TAB3: variants seen among roughly 807,000 people sequenced by gnomAD.
TAB3 encodes the protein TGF-beta activated kinase 1 (MAP3K7) binding protein 3, also known as TGF-beta-activated kinase 1 and MAP3K7-binding protein 3.
In TAB3, 18 loss-of-function variants were observed where a neutral mutation model predicts 48.1. The observed-to-expected ratio is 0.37, with a 90% confidence interval of 0.26 to 0.55. The LOEUF (loss-of-function observed/expected upper bound fraction) is 0.55, where lower values mean the gene tolerates loss of function less well. Ranked by LOEUF, TAB3 falls within the 20% of genes least tolerant of loss-of-function variation. TAB3 has a pLI of 0.78. For synonymous variants in TAB3, 185 were observed against 190.2 expected (o/e 0.97, Z 0.22); for missense variants, 414 against 549.8 (o/e 0.75, Z 2.47).
At chrX:30,853,054 C>T (rs774620446) in intron 6 of TAB3, 116 bp from the exon 7 acceptor site, 552 of 741,535 alleles carry the variant, frequency 7.4e-4, no homozygotes, top group Non-Finnish European at 9.8e-4. Flanking sequence ...TTGGCATTTA[C>T]TCTCATGTCT....
intron 9 of TAB3, among the ~76,000 whole-genome samples, chrX:30,840,834 C>T (rs1490506878): frequency 8.9e-6 from 1 of 111,808 alleles, no homozygotes; most frequent in Admixed American, 9.5e-5. Context: ...TTCTAATCAA[C>T]TTGGTCCTGT....
At chrX:30,832,578 C>A (rs953973271) in intron 10 of TAB3, among the ~76,000 whole-genome samples, 4 of 112,281 alleles carry the variant, frequency 3.6e-5, no homozygotes, top group African/African-American at 1.3e-4. Context: ...ATATCTTCCA[C>A]TGGAAATTAA....
At chrX:30,865,848 A>G (rs779581070) in intron 4 of TAB3, among the ~76,000 whole-genome samples, 1 of 112,541 alleles carries the variant, frequency 8.9e-6, no homozygotes, top group Non-Finnish European at 1.9e-5. Context: ...CAAGTTAAAC[A>G]GTAACAAAAA....
Position 30,854,919 on chromosome X carries a change from G to A in TAB3, c.746C>T (p.Pro249Leu), listed in dbSNP as rs768438489. The change falls in exon 6 of 11, where the codon CCG becomes CTG. Residue 249 changes from proline (P) to leucine (L), a missense_variant. Pro to Leu is a moderately conservative substitution (Grantham distance 98, BLOSUM62 -3). Transcript: ENST00000288422. ...SSGRQTPQST[P>L]WQSSPQGPVP... Reference sequence around the variant, plus strand: ...TGGGCCCTGTGGTGAGGACTGCCACGGCGTACTCTGAGGAGTTTGTCTTCC... The same window carrying A: ...TGGGCCCTGTGGTGAGGACTGCCACAGCGTACTCTGAGGAGTTTGTCTTCC... 2.2e-5 allele frequency: 26 copies of A among 1,206,614 alleles called. No homozygotes were observed. Among genetic ancestry groups the A allele is most frequent in the African/African-American group, 3.5e-5 (2 of 56,926 alleles).
chrX:30,874,363 A>T (rs1247543012), intron 1 of TAB3, among the ~76,000 whole-genome samples: 1 of 112,229 alleles, frequency 8.9e-6, no homozygotes, highest in Non-Finnish European at 1.9e-5. Flanking sequence ...TAGAGATGTT[A>T]AATTATTGGG....
At position 30,859,575 on chromosome X, in the gene TAB3, C is replaced by A. The variant is rs1483070396; in HGVS notation, c.14G>T (p.Ser5Ile). MAQS[S>I]PQLDIQVLHD... ...GAGAACCTGAATATCAAGCTGTGGG[C>A]TGCTTTGCGCCATGCCAGAGCAAAT... Residue 5 changes from serine to isoleucine, a missense_variant, in exon 5 of 11, where the codon AGC becomes ATC. By Grantham distance (142) the Ser-to-Ile change is moderately radical. Transcript: ENST00000288422. 8.3e-7 allele frequency: 1 copy of A among 1,204,277 alleles called. No individual in the cohort carries two copies. Among genetic ancestry groups the A allele is most frequent in the African/African-American group, 1.8e-5 (1 of 56,616 alleles).
intron 9 of TAB3, among the ~76,000 whole-genome samples, chrX:30,839,362 G>A (rs183115477): frequency 1.7e-3 from 190 of 111,790 alleles, no homozygotes; most frequent in African/African-American, 5.4e-3. Flanking sequence ...TGGTCATAAT[G>A]TATTATCTTT....
intron 5 of TAB3, among the ~76,000 whole-genome samples, chrX:30,857,137 T>TA (rs1416180289): frequency 2.7e-5 from 3 of 112,171 alleles, no homozygotes; most frequent in Non-Finnish European, 3.8e-5. Context: ...ATCATGCGTG[T>TA]AAAACATTAA....
At chrX:30,869,704 T>A (rs1177629499) in intron 2 of TAB3, among the ~76,000 whole-genome samples, 1 of 112,497 alleles carries the variant, frequency 8.9e-6, no homozygotes, top group Non-Finnish European at 1.9e-5. Context: ...AAAAGAAAGA[T>A]AGAACAACCT....
chrX:30,882,433 T>C (rs1482589578), intron 1 of TAB3, among the ~76,000 whole-genome samples: 3 of 111,983 alleles, frequency 2.7e-5, no homozygotes, highest in African/African-American at 9.7e-5. Flanking sequence ...ATAACTCATT[T>C]AGTCCCATGA....
chrX:30,855,636 G>C (rs1255315991), intron 5 of TAB3, 74 bp from the exon 6 acceptor site: 7 of 1,004,448 alleles, frequency 7.0e-6, no homozygotes. Flanking sequence ...GGCTTTGCCA[G>C]AGAGTTATGC....
intron 4 of TAB3, among the ~76,000 whole-genome samples, chrX:30,865,219 CT>C (rs971940166): frequency 1.3e-4 from 15 of 112,178 alleles, no homozygotes; most frequent in African/African-American, 4.9e-4. Flanking sequence ...CCCATAAAAT[CT>C]CAGTAGCACC....
At chrX:30,847,996 T>C (rs1938688443) in intron 7 of TAB3, among the ~76,000 whole-genome samples, 1 of 112,517 alleles carries the variant, frequency 8.9e-6, no homozygotes, top group African/African-American at 3.2e-5. Flanking sequence ...TATCAAGCAA[T>C]ATTCAAATAG....
intron 7 of TAB3, among the ~76,000 whole-genome samples, chrX:30,850,365 A>G (rs944663044): frequency 1.8e-5 from 2 of 111,977 alleles, no homozygotes; most frequent in African/African-American, 6.5e-5. Context: ...AGTTAAAACT[A>G]AATTACAGCC....
In TAB3 at chrX:30,830,747, C is replaced by T. The variant is rs1937999515; in HGVS notation, c.*680G>A. On this transcript the variant is annotated 3_prime_UTR_variant, in exon 11 of 11. Transcript: ENST00000288422. ...GCTCGATGAATCACACTGTACAAGC[C>T]AAAGGCATCTTACCACCTCTGATTG... 8.9e-6 allele frequency: 1 copy of T among 111,935 alleles called. No individual in the cohort carries two copies. The highest frequency in any genetic ancestry group is 3.3e-5 in the African/African-American group (1 of 30,736). 9.2% of individuals were successfully genotyped at this position (111,935 alleles called of 1,213,427 possible).
At chrX:30,853,990 A>G in intron 6 of TAB3, 126 bp downstream of exon 6, 1 of 836,779 alleles carries the variant, frequency 1.2e-6, no homozygotes, top group South Asian at 2.9e-5. Flanking sequence ...CTTTATTCTT[A>G]ATAGCAATGC....
At chrX:30,848,066 G>GCTAT (rs760320543) in intron 7 of TAB3, among the ~76,000 whole-genome samples, 3 of 112,110 alleles carry the variant, frequency 2.7e-5, no homozygotes, top group South Asian at 3.7e-4. Context: ...AAACAGTGAT[G>GCTAT]CTATCTTCCT....
intron 9 of TAB3, among the ~76,000 whole-genome samples, chrX:30,841,070 G>A (rs1055873012): frequency 1.7e-4 from 19 of 112,541 alleles, no homozygotes; most frequent in African/African-American, 6.1e-4. Flanking sequence ...TGCTGCCAAA[G>A]TGCCAAATCT....
intron 9 of TAB3, among the ~76,000 whole-genome samples, chrX:30,841,184 C>T (rs1938426326): frequency 8.9e-6 from 1 of 111,862 alleles, no homozygotes; most frequent in African/African-American, 3.3e-5. Flanking sequence ...AATCCCAGCA[C>T]TTTGGGAGGC....
Sources: gnomAD v4.1 joint callset for allele counts (sites outside exome capture counted in the v4.1 genomes callset) on GRCh38, gnomAD v4.1.1 for gene constraint, MANE v1.5 for transcripts, NCBI Gene and HGNC (gene_info 2026-07-23, HGNC 2026-07-21) for gene names.